ITPR1: variants seen among roughly 807,000 people sequenced by gnomAD.
The protein encoded by ITPR1 is inositol 1,4,5-trisphosphate receptor type 1.
ITPR1 carries 96 observed loss-of-function variants against 318.4 expected under a neutral mutation model. The observed-to-expected ratio is 0.30, with a 90% CI of 0.26 to 0.36. The LOEUF (loss-of-function observed/expected upper bound fraction) is 0.36, where lower values mean the gene tolerates loss of function less well. Among genes scored for constraint, ITPR1 ranks in the 10% least tolerant of loss-of-function variants. The probability of loss-of-function intolerance (pLI) is 1.00; values close to 1 mark genes in which losing one functional copy is unlikely to be tolerated. For missense variants in ITPR1, 2,440 were observed against 3,460.2 expected (o/e 0.71, Z 7.40); for synonymous variants, 1,312 against 1,289.9 (o/e 1.02, Z -0.37).
At chr3:4,748,813 T>C (rs1398752044) in intron 44 of ITPR1, among the ~76,000 whole-genome samples, 6 of 152,208 alleles carry the variant, frequency 3.9e-5, no homozygotes, top group South Asian at 2.1e-4. Context: ...AGAGCGGAGG[T>C]TGTATATTGT....
chr3:4,745,131 C>A (rs78566789), intron 44 of ITPR1, among the ~76,000 whole-genome samples: 12,605 of 146,566 alleles, frequency 0.086, 582 homozygotes, highest in Non-Finnish European at 0.13. Flanking sequence ...TCCCTCCCTC[C>A]CTCTCTTCCT....
rs1475372533 is a variant in ITPR1 at position 4,826,510 on chromosome 3, A to C, written c.8028+8268A>C. Among the ~76,000 whole-genome samples the C allele has an allele frequency of 6.6e-6, 1 of 152,142 alleles. No individual in the cohort carries two copies. The highest frequency in any genetic ancestry group is 1.5e-5 in the Non-Finnish European group (1 of 68,016). On this transcript the variant is annotated intron_variant, in intron 60 of 61. Coordinates refer to ENST00000649015, the MANE Select transcript of ITPR1 (RefSeq NM_001378452.1). The surrounding 1 kb of genome is among the most constrained non-coding windows in gnomAD (Gnocchi z 4.2). Reference sequence around the variant, plus strand: ...TTGGCACTGGCTTCCCGGTGGCTGGAAACAGTGTGTCAGCGTCACTGGACT... The same window carrying C: ...TTGGCACTGGCTTCCCGGTGGCTGGCAACAGTGTGTCAGCGTCACTGGACT...
chr3:4,632,844 C>T (rs2093055053), intron 5 of ITPR1, among the ~76,000 whole-genome samples: 1 of 150,828 alleles, frequency 6.6e-6, no homozygotes, highest in Non-Finnish European at 1.5e-5. Context: ...ACAGAAATCT[C>T]TCTCATGCTG....
At chr3:4,821,031 C>T (rs1023847434) in intron 60 of ITPR1, among the ~76,000 whole-genome samples, 5 of 152,288 alleles carry the variant, frequency 3.3e-5, no homozygotes, top group African/African-American at 7.2e-5. Context: ...CCCCACTGAG[C>T]GGGGGCATCC....
At chr3:4,646,766 A>G (rs2093467828) in intron 10 of ITPR1, among the ~76,000 whole-genome samples, 1 of 152,182 alleles carries the variant, frequency 6.6e-6, no homozygotes, top group Non-Finnish European at 1.5e-5. Flanking sequence ...ACTAACATGG[A>G]GCTCTTTCTT....
intron 30 of ITPR1, among the ~76,000 whole-genome samples, chr3:4,685,710 A>G (rs1309952900): frequency 6.6e-6 from 1 of 152,192 alleles, no homozygotes; most frequent in Non-Finnish European, 1.5e-5. Flanking sequence ...TGGAAGTTGT[A>G]CTTTGCCTCT....
At position 4,673,375 on chromosome 3, in the gene ITPR1, T is replaced by C; in HGVS notation, c.2444T>C (p.Ile815Thr). ...CTCTGGTCGGAGATTCCCTCGGAGA[T>C]CGCCATTGACGAGTGAGCCTGGCAC... ...ARLWSEIPSE[I>T]AIDDYDSSGA... Residue 815 changes from isoleucine (I) to threonine (T), a missense_variant, in exon 21 of 62, where the codon ATC (isoleucine) becomes ACC (threonine). Physicochemically the swap from Ile to Thr is moderately conservative, Grantham distance 89. Transcript: ENST00000649015. The C allele has an allele frequency of 1.2e-6, 2 of 1,607,872 alleles. No homozygotes were observed. Among genetic ancestry groups the C allele is most frequent in the Non-Finnish European group, 1.7e-6 (2 of 1,175,184 alleles).
At chr3:4,510,390 T>C (rs554661091) in intron 2 of ITPR1, among the ~76,000 whole-genome samples, 111 of 152,112 alleles carry the variant, frequency 7.3e-4, no homozygotes, top group African/African-American at 2.5e-3. Flanking sequence ...GCCGAATAGA[T>C]TGAGGAGGAA....
intron 4 of ITPR1, among the ~76,000 whole-genome samples, chr3:4,597,085 G>T (rs989692504): frequency 1.3e-5 from 2 of 152,212 alleles, no homozygotes; most frequent in African/African-American, 4.8e-5. Flanking sequence ...TTCGCCTCCA[G>T]CTTCTTGCTG....
chr3:4,702,823 C>T lies in ITPR1; in HGVS notation c.4537-7C>T. ...TTTTTCACGTTGCCTCTTTTGGCTT[C>T]TTGCAGACTCGCCAGCCTGTCTTTG... On this transcript the variant is annotated splice_polypyrimidine_tract_variant and splice_region_variant and intron_variant, in intron 35 of 61. Transcript: ENST00000649015. 2 of 1,613,354 alleles carry T rather than the reference C, an allele frequency of 1.2e-6. No individual in the cohort carries two copies. The highest frequency in any genetic ancestry group is 1.7e-6 in the Non-Finnish European group (2 of 1,179,530).
intron 4 of ITPR1, among the ~76,000 whole-genome samples, chr3:4,550,309 G>A (rs1032317094): frequency 1.3e-5 from 2 of 152,194 alleles, no homozygotes; most frequent in Admixed American, 1.3e-4. Context: ...TGTAGGCACA[G>A]GTGACAGCAA....
intron 14 of ITPR1, among the ~76,000 whole-genome samples, chr3:4,661,777 C>T (rs2093838104): frequency 6.6e-6 from 1 of 152,126 alleles, no homozygotes; most frequent in African/African-American, 2.4e-5. Flanking sequence ...TTTGCTTTTT[C>T]TCTGTATATT....
chr3:4,561,424 G>T (rs2086662148), intron 4 of ITPR1, among the ~76,000 whole-genome samples: 1 of 152,144 alleles, frequency 6.6e-6, no homozygotes, highest in African/African-American at 2.4e-5. Flanking sequence ...CAGCTTTCCA[G>T]CTTTTTTCTT....
At chr3:4,501,988 T>C (rs2124877649) in intron 2 of ITPR1, among the ~76,000 whole-genome samples, 1 of 152,368 alleles carries the variant, frequency 6.6e-6, no homozygotes, top group African/African-American at 2.4e-5. Flanking sequence ...TCTCCAAGTT[T>C]CTTGCTGTTC....
At chr3:4,670,464 C>T (rs2125208035) in intron 19 of ITPR1, among the ~76,000 whole-genome samples, 1 of 152,276 alleles carries the variant, frequency 6.6e-6, no homozygotes, top group African/African-American at 2.4e-5. Context: ...ACTTAGATGC[C>T]AGTAGCACCT....
At chr3:4,596,659 G>GTAGATGGAAC (rs2125075215) in intron 4 of ITPR1, among the ~76,000 whole-genome samples, 2 of 152,256 alleles carry the variant, frequency 1.3e-5, no homozygotes, top group Admixed American at 1.3e-4. Flanking sequence ...TTTAATTCTG[G>GTAGATGGAAC]TAGATGGAAC....
chr3:4,519,572 AC>A, intron 3 of ITPR1, among the ~76,000 whole-genome samples: 1 of 152,224 alleles, frequency 6.6e-6, no homozygotes, highest in Non-Finnish European at 1.5e-5. Flanking sequence ...TTCTGAGCCC[AC>A]CCTGTCAAGC....
At chr3:4,667,610 G>C in intron 18 of ITPR1, 61 bp downstream of exon 18, 1 of 1,487,738 alleles carries the variant, frequency 6.7e-7, no homozygotes, top group Middle Eastern at 2.4e-4. Flanking sequence ...CAGGGACTTA[G>C]CTGGTGCTTT....
At chr3:4,818,350 A>T in intron 60 of ITPR1, 108 bp downstream of exon 60, 1 of 860,334 alleles carries the variant, frequency 1.2e-6, no homozygotes, top group Non-Finnish European at 1.7e-6. Flanking sequence ...ATAACATCCG[A>T]TGTTGCCTGA....
Sources: allele counts gnomAD v4.1 joint callset (sites outside exome capture counted in the v4.1 genomes callset), GRCh38; gene constraint gnomAD v4.1.1; non-coding constraint Gnocchi (gnomAD v3.1); transcripts MANE v1.5; gene names NCBI Gene and HGNC (gene_info 2026-07-23, HGNC 2026-07-21).